The following SGCZ variants were observed in gnomAD, a reference collection of about 807,000 sequenced individuals.
SGCZ encodes sarcoglycan zeta.
Under a neutral mutation model 41.3 loss-of-function variants are expected in SGCZ, and 40 were observed. The observed-to-expected ratio is 0.97, with a 90% CI of 0.75 to 1.26. SGCZ has a LOEUF of 1.26. SGCZ is among the 50% of genes most tolerant of loss of function. SGCZ has a pLI of 0.00. For missense variants in SGCZ, 552 were observed against 369.8 expected, an observed-to-expected ratio of 1.49 and a Z score of -4.04; for synonymous variants, 206 against 137.5, an observed-to-expected ratio of 1.50 and a Z score of -3.49.
At position 14,938,033 on chromosome 8, in the gene SGCZ, CTG is replaced by C. The variant is rs758221285; in HGVS notation, c.39+299550_39+299551del. Among the ~76,000 whole-genome samples the C allele has an allele frequency of 1.3e-3, 196 of 152,226 alleles. 2 individuals carry two copies. The highest frequency in any genetic ancestry group is 2.2e-3 in the Non-Finnish European group (152 of 67,988). ...ACTTTATGAACATTCAAAATTCACT[CTG>C]TAATTCTTGCACTTTTAGAAAATCA... is the stretch of plus-strand genomic sequence containing the variant. On this transcript the variant is annotated intron_variant, in intron 1 of 7. Coordinates refer to ENST00000382080, the MANE Select transcript of SGCZ (RefSeq NM_139167.4).
chr8:15,210,728 A>G (rs936655154), intron 1 of SGCZ, among the ~76,000 whole-genome samples: 1 of 152,134 alleles, frequency 6.6e-6, no homozygotes, highest in African/African-American at 2.4e-5. Context: ...TCCCTTGCAG[A>G]CGTCCACACC....
At chr8:14,122,314 A>G (rs902103859) in intron 5 of SGCZ, among the ~76,000 whole-genome samples, 1 of 152,170 alleles carries the variant, frequency 6.6e-6, no homozygotes, top group Non-Finnish European at 1.5e-5. Context: ...TTAAGGAGCT[A>G]TGGTGATTCA....
At chr8:14,681,625 G>A (rs1055577138) in intron 1 of SGCZ, among the ~76,000 whole-genome samples, 12 of 152,226 alleles carry the variant, frequency 7.9e-5, no homozygotes, top group East Asian at 7.7e-4. Flanking sequence ...AAGTACATAC[G>A]CATAATCCTA....
chr8:14,606,200 C>A (rs899450983), intron 1 of SGCZ, among the ~76,000 whole-genome samples: 1 of 152,054 alleles, frequency 6.6e-6, no homozygotes, highest in African/African-American at 2.4e-5. Flanking sequence ...CATATTGCCC[C>A]ATGACCTCCA....
chr8:14,259,473 G>C (rs1417712872), intron 3 of SGCZ, among the ~76,000 whole-genome samples: 2 of 149,854 alleles, frequency 1.3e-5, no homozygotes, highest in African/African-American at 4.9e-5. Flanking sequence ...AATCCATCTT[G>C]AATTGATTTT....
intron 5 of SGCZ, among the ~76,000 whole-genome samples, chr8:14,147,600 C>G (rs1437743145): frequency 6.6e-6 from 1 of 152,032 alleles, no homozygotes; most frequent in East Asian, 1.9e-4. Context: ...AGTAATATGT[C>G]CAAATACGAT....
chr8:14,758,235 C>G (rs1158617171), intron 1 of SGCZ, among the ~76,000 whole-genome samples: 1 of 152,184 alleles, frequency 6.6e-6, no homozygotes, highest in African/African-American at 2.4e-5. Context: ...GAATTCACAT[C>G]AAGATCTTCT....
At chr8:15,069,331 C>A (rs1214853975) in intron 1 of SGCZ, among the ~76,000 whole-genome samples, 2 of 151,994 alleles carry the variant, frequency 1.3e-5, no homozygotes, top group Non-Finnish European at 2.9e-5. Flanking sequence ...ACCAGGCCTA[C>A]CCACAATGCA....
At chr8:14,636,668 T>C (rs1473111937) in intron 1 of SGCZ, among the ~76,000 whole-genome samples, 1 of 151,728 alleles carries the variant, frequency 6.6e-6, no homozygotes, top group Non-Finnish European at 1.5e-5. Flanking sequence ...GATGCAAGTA[T>C]CAGAAGCTCA....
chr8:14,832,684 T>A (rs552143837), intron 1 of SGCZ, among the ~76,000 whole-genome samples: 43 of 152,148 alleles, frequency 2.8e-4, no homozygotes, highest in Non-Finnish European at 4.7e-4. Flanking sequence ...AGGGCCAGAG[T>A]ATATGGGTGT....
chr8:15,155,804 T>C (rs1383651750), intron 1 of SGCZ, among the ~76,000 whole-genome samples: 4 of 152,162 alleles, frequency 2.6e-5, no homozygotes, highest in Non-Finnish European at 1.5e-5. Context: ...ACACCTGTTA[T>C]CCTAGCACTT....
Position 14,087,709 on chromosome 8 carries a change from A to ATT in SGCZ, c.*2732_*2733dup, listed in dbSNP as rs56942554. On this transcript the variant is annotated 3_prime_UTR_variant, in exon 8 of 8. Coordinates refer to ENST00000382080, the MANE Select transcript of SGCZ (RefSeq NM_139167.4). ...TACTGTGCAATTAAGGGACCACTAT[A>ATT]TTTTTAAAAAAAAAAAAATGCTTTT... Among the ~76,000 whole-genome samples, 34 of 123,988 alleles carry ATT rather than the reference A, an allele frequency of 2.7e-4. No homozygotes were observed. The highest frequency in any genetic ancestry group is 1.2e-3 in the African/African-American group (32 of 26,118). The allele number at this position is 123,988 out of a possible 152,430, so 81.3% of individuals were successfully genotyped here. A position where few individuals can be genotyped will look rare whatever the true frequency, so the allele number is the denominator to read the frequency against.
At chr8:14,527,690 C>T (rs1164509854) in intron 2 of SGCZ, among the ~76,000 whole-genome samples, 2 of 152,000 alleles carry the variant, frequency 1.3e-5, no homozygotes, top group African/African-American at 2.4e-5. Flanking sequence ...AAATTCAGTT[C>T]CTCCATCATG....
intron 1 of SGCZ, among the ~76,000 whole-genome samples, chr8:14,654,439 G>C (rs1807496494): frequency 6.6e-6 from 1 of 152,074 alleles, no homozygotes. Context: ...CCTATTTATA[G>C]TAGTTGCTAT....
intron 1 of SGCZ, among the ~76,000 whole-genome samples, chr8:15,158,462 A>G (rs1585623873): frequency 6.6e-6 from 1 of 152,230 alleles, no homozygotes; most frequent in Non-Finnish European, 1.5e-5. Flanking sequence ...GGTTAAAAAG[A>G]ATTCTTCAAT....
intron 1 of SGCZ, among the ~76,000 whole-genome samples, chr8:14,826,691 T>C (rs532250201): frequency 6.6e-6 from 1 of 152,320 alleles, no homozygotes; most frequent in South Asian, 2.1e-4. Flanking sequence ...CCAGTGATGA[T>C]GAGCATTTTT....
intron 7 of SGCZ, among the ~76,000 whole-genome samples, chr8:14,100,301 G>A (rs1018297724): frequency 1.3e-5 from 2 of 151,160 alleles, no homozygotes; most frequent in Admixed American, 1.3e-4. Flanking sequence ...ATGAATAAAT[G>A]AATAAAAGAA....
chr8:14,803,778 G>A (rs1801425537), intron 1 of SGCZ, among the ~76,000 whole-genome samples: 1 of 148,486 alleles, frequency 6.7e-6, no homozygotes, highest in Non-Finnish European at 1.5e-5. Context: ...TGGGGGCAGG[G>A]CACAGACAAA....
At chr8:14,628,589 T>C (rs1423428696) in intron 1 of SGCZ, among the ~76,000 whole-genome samples, 1 of 152,108 alleles carries the variant, frequency 6.6e-6, no homozygotes, top group African/African-American at 2.4e-5. Flanking sequence ...TATTGTGTTT[T>C]CAAATGCAAG....
Sources: gnomAD v4.1 joint callset for allele counts (sites outside exome capture counted in the v4.1 genomes callset) on GRCh38, gnomAD v4.1.1 for gene constraint, MANE v1.5 for transcripts, NCBI Gene and HGNC (gene_info 2026-07-23, HGNC 2026-07-21) for gene names.